Variants in MSR1 observed in about 807,000 individuals in gnomAD.
MSR1 encodes macrophage scavenger receptor 1, also known as macrophage scavenger receptor types I and II.
A neutral mutation model predicts 47.2 loss-of-function variants in MSR1; 53 were observed. That is an observed-to-expected ratio of 1.12 (90% CI 0.90 to 1.41). The LOEUF is 1.41. Ranked by LOEUF, MSR1 falls within the 40% of genes most tolerant of loss-of-function variation. The pLI, the probability that MSR1 is intolerant of heterozygous loss-of-function variation, is 0.00. For synonymous variants in MSR1, 239 were observed against 185.6 expected, an observed-to-expected ratio of 1.29 and a Z score of -2.34; for missense variants, 786 against 546.9, an observed-to-expected ratio of 1.44 and a Z score of -4.36.
At chr8:16,138,481 T>C (rs1354193747) in intron 8 of MSR1, among the ~76,000 whole-genome samples, 1 of 152,216 alleles carries the variant, frequency 6.6e-6, no homozygotes, top group African/African-American at 2.4e-5. Context: ...GCATCCATTT[T>C]TTGTCTAAAG....
chr8:16,191,375 T>C (rs1028519322), intron 1 of MSR1, among the ~76,000 whole-genome samples: 3 of 152,162 alleles, frequency 2.0e-5, no homozygotes, highest in Non-Finnish European at 4.4e-5. Flanking sequence ...TTTTAACTTA[T>C]TTGAATTGAA....
intron 1 of MSR1, among the ~76,000 whole-genome samples, chr8:16,187,807 G>C (rs185731489): frequency 1.3e-5 from 2 of 152,034 alleles, no homozygotes. Context: ...TGCACTGCAC[G>C]TAACTAGCAA....
intron 9 of MSR1, among the ~76,000 whole-genome samples, chr8:16,110,581 C>T (rs1045430890): frequency 6.6e-6 from 1 of 151,928 alleles, no homozygotes; most frequent in African/African-American, 2.4e-5. Context: ...CATGTAATAA[C>T]CTGATGATCC....
At chr8:16,137,213 T>C (rs932787286) in intron 8 of MSR1, among the ~76,000 whole-genome samples, 1 of 152,096 alleles carries the variant, frequency 6.6e-6, no homozygotes, top group African/African-American at 2.4e-5. Flanking sequence ...GTGAGCATTC[T>C]AGGAAGACTA....
At chr8:16,147,486 C>T (rs1243193687) in intron 7 of MSR1, among the ~76,000 whole-genome samples, 1 of 152,148 alleles carries the variant, frequency 6.6e-6, no homozygotes, top group Non-Finnish European at 1.5e-5. Context: ...ATATCATTCA[C>T]ATAGTCCAGG....
intron 5 of MSR1, among the ~76,000 whole-genome samples, chr8:16,157,442 T>C (rs1234190077): frequency 6.6e-6 from 1 of 151,452 alleles, no homozygotes; most frequent in African/African-American, 2.4e-5. Flanking sequence ...ATTCGAATCC[T>C]ACAATAAGAA....
At chr8:16,173,637 G>T (rs1232487474) in intron 3 of MSR1, among the ~76,000 whole-genome samples, 2 of 151,892 alleles carry the variant, frequency 1.3e-5, no homozygotes, top group African/African-American at 4.8e-5. Flanking sequence ...TTTTCCTGTG[G>T]TGACTTTTTT....
chr8:16,130,952 G>A (rs945978682), intron 8 of MSR1, among the ~76,000 whole-genome samples: 1 of 152,062 alleles, frequency 6.6e-6, no homozygotes, highest in Non-Finnish European at 1.5e-5. Flanking sequence ...ATGAGAGTAT[G>A]TGTTTTTATG....
chr8:16,147,678 G>C (rs545544514), intron 7 of MSR1, among the ~76,000 whole-genome samples: 2 of 152,228 alleles, frequency 1.3e-5, no homozygotes, highest in East Asian at 3.9e-4. Context: ...TTGTAGAGGA[G>C]AGACTGTACT....
Position 16,160,150 on chromosome 8 carries a change from A to G in MSR1, c.817+3915T>C, listed in dbSNP as rs1409982078. 2.0e-5 allele frequency among the ~76,000 whole-genome samples: 3 copies of G among 151,954 alleles called. No homozygotes were observed. The East Asian group carries it at 5.8e-4, about 29-fold the overall frequency. On this transcript the variant is annotated intron_variant, in intron 5 of 9. Transcript: ENST00000262101. ...TATGCAATCTAAGACTTCCTTTAGG[A>G]AGGCTGTATTCTACAAGGGTGCAAA...
chr8:16,127,852 T>G (rs997073387), intron 8 of MSR1, among the ~76,000 whole-genome samples: 15 of 152,320 alleles, frequency 9.8e-5, no homozygotes, highest in African/African-American at 3.4e-4. Flanking sequence ...TTAACAGTTC[T>G]TACAAATATC....
At chr8:16,185,810 G>A (rs1233144384) in intron 1 of MSR1, among the ~76,000 whole-genome samples, 2 of 149,464 alleles carry the variant, frequency 1.3e-5, no homozygotes, top group Non-Finnish European at 3.0e-5. Flanking sequence ...AGAATCGTAG[G>A]GAAAAAGTCA....
At chr8:16,172,248 A>C (rs1585185361) in intron 3 of MSR1, among the ~76,000 whole-genome samples, 2 of 152,316 alleles carry the variant, frequency 1.3e-5, no homozygotes, top group South Asian at 4.1e-4. Context: ...ATATGGAAAG[A>C]GAAGCCCCAA....
chr8:16,119,779 C>A (rs568918265), intron 9 of MSR1, among the ~76,000 whole-genome samples: 1 of 151,708 alleles, frequency 6.6e-6, no homozygotes. Context: ...GTGACCATAG[C>A]TCATGTAACC....
chr8:16,119,513 C>T (rs1483250555), intron 9 of MSR1, among the ~76,000 whole-genome samples: 5 of 152,052 alleles, frequency 3.3e-5, no homozygotes, highest in African/African-American at 4.8e-5. Context: ...AGGTGTGAGC[C>T]ACCATGCCCA....
In MSR1 at chr8:16,107,906, C is replaced by G. The variant is rs1025785419; in HGVS notation, c.*2179G>C. ...CAAATTTCTGTTTTTTTTAATGGAA[C>G]AAATGCAATTCAACATTCCAAAGTA... On this transcript the variant is annotated 3_prime_UTR_variant, in exon 10 of 10. Coordinates refer to ENST00000262101, the MANE Select transcript of MSR1 (RefSeq NM_138715.3). 6.6e-6 allele frequency: 1 copy of G among 151,468 alleles called. No individual in the cohort carries two copies. The highest frequency in any genetic ancestry group is 1.5e-5 in the Non-Finnish European group (1 of 67,852). 9.4% of individuals were successfully genotyped at this position (151,468 alleles called of 1,614,324 possible).
At chr8:16,180,051 T>G (rs1360721738) in intron 1 of MSR1, among the ~76,000 whole-genome samples, 1 of 151,890 alleles carries the variant, frequency 6.6e-6, no homozygotes, top group Non-Finnish European at 1.5e-5. Flanking sequence ...CCTCCCAAAG[T>G]GCTGTGATTG....
chr8:16,168,444 C>A lies in MSR1; in HGVS notation c.630+14G>T, dbSNP rs373235402. 2.5e-6 allele frequency: 4 copies of A among 1,613,726 alleles called. No individual in the cohort carries two copies. Among genetic ancestry groups the A allele is most frequent in the Admixed American group, 3.3e-5 (2 of 59,998 alleles). On this transcript the variant is annotated intron_variant, in intron 4 of 9. Coordinates refer to ENST00000262101, the MANE Select transcript of MSR1 (RefSeq NM_138715.3). ...CAGTTCCAGCAAGTGACCTTGCAGT[C>A]CACAAACTCTTACCTCTTGTTGTTT...
chr8:16,173,322 G>T (rs902476336), intron 3 of MSR1, among the ~76,000 whole-genome samples: 3 of 152,176 alleles, frequency 2.0e-5, no homozygotes, highest in Non-Finnish European at 4.4e-5. Context: ...TGCGGTCCCT[G>T]GTGCTGGTAC....
Sources: allele counts gnomAD v4.1 joint callset (sites outside exome capture counted in the v4.1 genomes callset), GRCh38; gene constraint gnomAD v4.1.1; transcripts MANE v1.5; gene names NCBI Gene and HGNC (gene_info 2026-07-23, HGNC 2026-07-21).